Variants in PPP3CB observed in about 807,000 individuals in gnomAD.
PPP3CB encodes the protein serine/threonine-protein phosphatase 2B catalytic subunit beta isoform.
Under a neutral mutation model 66.4 loss-of-function variants are expected in PPP3CB, and 8 were observed. That is an observed-to-expected ratio of 0.12 (90% CI 0.07 to 0.22). PPP3CB has a LOEUF of 0.22. Among genes scored for constraint, PPP3CB ranks in the 10% least tolerant of loss-of-function variants. The pLI, the probability that PPP3CB is intolerant of heterozygous loss-of-function variation, is 1.00. For missense variants in PPP3CB, 319 were observed against 642.5 expected (o/e 0.50, Z 5.44); for synonymous variants, 208 against 221.2 (o/e 0.94, Z 0.53).
In PPP3CB at chr10:73,436,721, T is replaced by A. The variant is rs963738624; in HGVS notation, c.*1521A>T. ...TCCACGAGATAATCTCCGGAGGACA[T>A]CCCAGCTCTAGTAACAGGATTTTCT... On this transcript the variant is annotated 3_prime_UTR_variant, in exon 14 of 14. Transcript: ENST00000360663. 6.6e-6 allele frequency: 1 copy of A among 152,172 alleles called. No individual in the cohort carries two copies. Among genetic ancestry groups the A allele is most frequent in the African/African-American group, 2.4e-5 (1 of 41,442 alleles). The allele number at this position is 152,172 out of a possible 1,614,324, so 9.4% of individuals were successfully genotyped here.
At position 73,444,527 on chromosome 10, in the gene PPP3CB, A is replaced by T. The variant is rs1454282250; in HGVS notation, c.1366+198T>A. 2.7e-6 allele frequency: 4 copies of T among 1,498,302 alleles called. No homozygotes were observed. In the East Asian group the frequency reaches 9.9e-5, roughly 37 times the overall value. 92.8% of individuals were successfully genotyped at this position (1,498,302 alleles called of 1,614,324 possible). A position where few individuals can be genotyped will look rare whatever the true frequency, so the allele number is the denominator to read the frequency against. ...TGACCATTATTTTCAATTGAAAGGA[A>T]TACCCATTCTATCAGTTTTCTGCCC... On this transcript the variant is annotated intron_variant, in intron 12 of 13. Transcript: ENST00000360663.
intron 9 of PPP3CB, among the ~76,000 whole-genome samples, chr10:73,463,420 T>C (rs1372907978): frequency 6.6e-6 from 1 of 152,242 alleles, no homozygotes; most frequent in African/African-American, 2.4e-5. Flanking sequence ...AATATCCTCA[T>C]GATCTAGCCC....
intron 9 of PPP3CB, among the ~76,000 whole-genome samples, chr10:73,456,136 C>T (rs1342755834): frequency 6.6e-6 from 1 of 152,158 alleles, no homozygotes; most frequent in Non-Finnish European, 1.5e-5. Flanking sequence ...ATATCCAAAA[C>T]AAAATTCAAT....
intron 9 of PPP3CB, among the ~76,000 whole-genome samples, chr10:73,462,412 C>T (rs180708871): frequency 2.0e-4 from 30 of 151,864 alleles, no homozygotes; most frequent in Non-Finnish European, 4.4e-4. Flanking sequence ...GGGATATAAA[C>T]GGTATGAGGG....
chr10:73,449,984 G>C (rs1481895652), intron 10 of PPP3CB, among the ~76,000 whole-genome samples: 1 of 152,110 alleles, frequency 6.6e-6, no homozygotes. Context: ...TTTAAGTAAA[G>C]AGGGGGTTTT....
At chr10:73,439,784 G>C in intron 13 of PPP3CB, 88 bp downstream of exon 13, 1 of 1,430,884 alleles carries the variant, frequency 7.0e-7, no homozygotes, top group Non-Finnish European at 9.8e-7. Flanking sequence ...GGCTGTAAAA[G>C]CTAGGAGTAA....
rs186507952 is a variant in PPP3CB, at chr10:73,459,211, G to A, written c.1109-4722C>T. The stretch of plus-strand genomic sequence containing the variant: ...ACTCAAGAAAATGAAAACATAGGCC[G>A]GGCATGGTGGCTCACGCCTGTAATC... On this transcript the variant is annotated intron_variant, in intron 9 of 13. Coordinates refer to ENST00000360663, the MANE Select transcript of PPP3CB (RefSeq NM_021132.4). Among the ~76,000 whole-genome samples the A allele has an allele frequency of 5.2e-4, 79 of 152,262 alleles. No individual in the cohort carries two copies. The East Asian group carries it at 8.1e-3, about 16-fold the overall frequency.
chr10:73,491,029 T>TG (rs2057066731), intron 1 of PPP3CB, among the ~76,000 whole-genome samples: 1 of 112,328 alleles, frequency 8.9e-6, no homozygotes, highest in Non-Finnish European at 1.7e-5. Context: ...ATTGTTTTTT[T>TG]TTTTTTTTTT....
intron 10 of PPP3CB, 28 bp from the exon 11 acceptor site, chr10:73,446,601 A>G (rs1431963589): frequency 6.3e-7 from 1 of 1,594,950 alleles, no homozygotes; most frequent in East Asian, 2.2e-5. Context: ...AATAGAGAGA[A>G]AGGCTCAAGT....
At chr10:73,494,664 A>C (rs574669211) in intron 1 of PPP3CB, among the ~76,000 whole-genome samples, 1 of 151,688 alleles carries the variant, frequency 6.6e-6, no homozygotes. Flanking sequence ...AAAAAAAAAG[A>C]AAAAAGGTTT....
At chr10:73,451,832 G>A (rs917265837) in intron 10 of PPP3CB, among the ~76,000 whole-genome samples, 4 of 143,094 alleles carry the variant, frequency 2.8e-5, no homozygotes, top group Middle Eastern at 3.6e-3. Flanking sequence ...TGTAACCTCC[G>A]CCTCCTGGGT....
chr10:73,480,440 ATT>A (rs57553384), intron 1 of PPP3CB, among the ~76,000 whole-genome samples: 47 of 123,888 alleles, frequency 3.8e-4, no homozygotes, highest in African/African-American at 6.8e-4. Context: ...TATCCCTGTA[ATT>A]TTTTTTTTTT....
intron 12 of PPP3CB, among the ~76,000 whole-genome samples, chr10:73,441,624 G>C (rs1010692870): frequency 6.6e-6 from 1 of 152,128 alleles, no homozygotes; most frequent in African/African-American, 2.4e-5. Flanking sequence ...TAATAAGTTT[G>C]AGCATAGTGC....
chr10:73,483,573 C>T (rs556404460), intron 1 of PPP3CB, among the ~76,000 whole-genome samples: 3 of 152,226 alleles, frequency 2.0e-5, no homozygotes, highest in African/African-American at 4.8e-5. Flanking sequence ...AGGAGAATCG[C>T]TTGAACCGAA....
intron 3 of PPP3CB, 118 bp from the exon 4 acceptor site, chr10:73,475,148 T>A: frequency 1.5e-6 from 2 of 1,306,548 alleles, no homozygotes; most frequent in South Asian, 2.2e-5. Context: ...TCTTTGTCCC[T>A]TACTAAAATA....
chr10:73,457,260 G>GAAAAAAAAAAAAAAAA (rs35129439), intron 9 of PPP3CB, among the ~76,000 whole-genome samples: 1 of 69,024 alleles, frequency 1.4e-5, no homozygotes, highest in African/African-American at 5.4e-5. Context: ...CTCTAAAAAA[G>GAAAAAAAAAAAAAAAA]AAAAAAAAAA....
At chr10:73,483,970 C>T (rs923072326) in intron 1 of PPP3CB, among the ~76,000 whole-genome samples, 1 of 151,774 alleles carries the variant, frequency 6.6e-6, no homozygotes, top group South Asian at 2.1e-4. Flanking sequence ...ATAGTGAAAC[C>T]CCATCGCTAC....
intron 1 of PPP3CB, among the ~76,000 whole-genome samples, chr10:73,485,446 C>T (rs2056955732): frequency 6.6e-6 from 1 of 152,114 alleles, no homozygotes; most frequent in African/African-American, 2.4e-5. Flanking sequence ...CCTCTTAGCC[C>T]TATGAGGCCT....
intron 9 of PPP3CB, among the ~76,000 whole-genome samples, chr10:73,460,672 A>C (rs1329284177): frequency 6.6e-6 from 1 of 152,252 alleles, no homozygotes; most frequent in African/African-American, 2.4e-5. Flanking sequence ...GGAAAAAAGG[A>C]AGCAGCCCAT....
Sources: gnomAD v4.1 joint callset for allele counts (sites outside exome capture counted in the v4.1 genomes callset) on GRCh38, gnomAD v4.1.1 for gene constraint, MANE v1.5 for transcripts, NCBI Gene and HGNC (gene_info 2026-07-23, HGNC 2026-07-21) for gene names.